MAGI2: variants seen among roughly 807,000 people sequenced by gnomAD.
MAGI2 encodes membrane-associated guanylate kinase, WW and PDZ domain-containing protein 2.
A neutral mutation model predicts 133.3 loss-of-function variants in MAGI2; 35 were observed. That is an observed-to-expected ratio of 0.26 (90% CI 0.20 to 0.35). MAGI2 has a LOEUF of 0.35. Among genes scored for constraint, MAGI2 ranks in the 10% least tolerant of loss-of-function variants. MAGI2 has a pLI of 1.00. For synonymous variants in MAGI2, 729 were observed against 710.6 expected (o/e 1.03, Z -0.41); for missense variants, 1,636 against 1,863.4 (o/e 0.88, Z 2.25).
chr7:78,660,949 C>T (rs1434178107), intron 2 of MAGI2, among the ~76,000 whole-genome samples: 2 of 152,130 alleles, frequency 1.3e-5, no homozygotes, highest in African/African-American at 4.8e-5. Flanking sequence ...AATCTTAACA[C>T]CCAAGGGTTC....
chr7:78,494,680 T>C (rs1793928124), intron 5 of MAGI2, among the ~76,000 whole-genome samples: 1 of 152,346 alleles, frequency 6.6e-6, no homozygotes, highest in African/African-American at 2.4e-5. Flanking sequence ...GCAAAATGTT[T>C]TCACTGCTGT....
chr7:79,105,121 C>T (rs549225057), intron 1 of MAGI2, among the ~76,000 whole-genome samples: 286 of 152,348 alleles, frequency 1.9e-3, no homozygotes, highest in Middle Eastern at 3.4e-3. Context: ...ACAAATCGTT[C>T]TGAGTGCATC....
intron 6 of MAGI2, among the ~76,000 whole-genome samples, chr7:78,471,881 C>T (rs947953578): frequency 1.3e-5 from 2 of 151,642 alleles, no homozygotes; most frequent in African/African-American, 2.4e-5. Flanking sequence ...GCCTAGATTG[C>T]ACCACTGCAC....
chr7:79,442,389 T>C (rs913086423), intron 1 of MAGI2, among the ~76,000 whole-genome samples: 41 of 152,146 alleles, frequency 2.7e-4, no homozygotes, highest in African/African-American at 9.7e-4. Context: ...TATCCTCACA[T>C]GCCTAAGTGC....
intron 1 of MAGI2, among the ~76,000 whole-genome samples, chr7:79,405,133 T>C (rs1845720448): frequency 6.6e-6 from 1 of 152,144 alleles, no homozygotes; most frequent in Non-Finnish European, 1.5e-5. Context: ...TTCCTAGTAA[T>C]TGGAAAGTTG....
intron 2 of MAGI2, among the ~76,000 whole-genome samples, chr7:78,995,520 A>G (rs1186433431): frequency 6.6e-6 from 1 of 152,160 alleles, no homozygotes; most frequent in Non-Finnish European, 1.5e-5. Flanking sequence ...ACTTGAAGCT[A>G]GTCAGTCAAT....
Position 78,726,187 on chromosome 7 carries a change from A to G in MAGI2, c.419-98948T>C, listed in dbSNP as rs527999277. ...ATATTATAGTTAGAATTCACAACCT[A>G]TGTAATCTTTCAGAGAAATAACAAA... On this transcript the variant is annotated intron_variant, in intron 2 of 21. Coordinates refer to ENST00000354212, the MANE Select transcript of MAGI2 (RefSeq NM_012301.4). Among the ~76,000 whole-genome samples, 21 of 152,312 alleles carry G rather than the reference A, an allele frequency of 1.4e-4. No individual in the cohort carries two copies. In the South Asian group the frequency reaches 4.3e-3, roughly 32 times the overall value.
chr7:78,860,115 CT>C (rs1489741861), intron 2 of MAGI2, among the ~76,000 whole-genome samples: 4 of 152,164 alleles, frequency 2.6e-5, no homozygotes, highest in Admixed American at 6.5e-5. Context: ...CTTCTCTACG[CT>C]GTTTATTCTG....
In MAGI2 at chr7:79,363,005, A is replaced by T. The variant is rs58133441; in HGVS notation, c.301+90015T>A. Among the ~76,000 whole-genome samples, 1,286 of 151,842 alleles carry T rather than the reference A, an allele frequency of 8.5e-3. 13 individuals are homozygous for T. The highest frequency in any genetic ancestry group is 0.03 in the African/African-American group (1,233 of 41,494). On this transcript the variant is annotated intron_variant, in intron 1 of 21. Coordinates refer to ENST00000354212, the MANE Select transcript of MAGI2 (RefSeq NM_012301.4). ...CATAGAGATTAGATAGGAAGAAATA[A>T]ACTGTTTCTAGATAGAGGTGACATA...
chr7:79,428,323 T>C (rs1437622977), intron 1 of MAGI2, among the ~76,000 whole-genome samples: 2 of 152,172 alleles, frequency 1.3e-5, no homozygotes, highest in Middle Eastern at 3.4e-3. Flanking sequence ...CAGAGAAAAA[T>C]AGGATCATTT....
chr7:78,362,858 G>A (rs1321259786), intron 7 of MAGI2, among the ~76,000 whole-genome samples: 1 of 152,082 alleles, frequency 6.6e-6, no homozygotes, highest in Non-Finnish European at 1.5e-5. Flanking sequence ...CTACTGAGAG[G>A]CTGTTTTTTT....
chr7:78,291,476 G>A (rs1163340362), intron 9 of MAGI2, among the ~76,000 whole-genome samples: 2 of 152,132 alleles, frequency 1.3e-5, no homozygotes, highest in Non-Finnish European at 1.5e-5. Flanking sequence ...GGACCAGATG[G>A]ATTCACAGCC....
chr7:78,333,198 G>A (rs75183205), intron 9 of MAGI2, among the ~76,000 whole-genome samples: 5,590 of 152,280 alleles, frequency 0.037, 156 homozygotes, highest in South Asian at 0.13. Flanking sequence ...ATTTCTGGAT[G>A]TGGTACTATG....
At chr7:78,650,936 C>T (rs1811495513) in intron 2 of MAGI2, among the ~76,000 whole-genome samples, 1 of 152,028 alleles carries the variant, frequency 6.6e-6, no homozygotes, top group Non-Finnish European at 1.5e-5. Context: ...CAAAACAGCT[C>T]CTCAAAAACT....
At chr7:79,133,960 C>T (rs1821159685) in intron 1 of MAGI2, among the ~76,000 whole-genome samples, 2 of 152,202 alleles carry the variant, frequency 1.3e-5, no homozygotes, top group Non-Finnish European at 2.9e-5. Flanking sequence ...TAGAGCCTCA[C>T]AATTTCATCT....
chr7:78,366,150 A>G (rs1793357205), intron 7 of MAGI2, among the ~76,000 whole-genome samples: 1 of 152,338 alleles, frequency 6.6e-6, no homozygotes, highest in East Asian at 1.9e-4. Context: ...GCTCATTATC[A>G]CTAATGGCAT....
At chr7:78,462,894 T>C (rs577781727) in intron 6 of MAGI2, among the ~76,000 whole-genome samples, 1 of 152,136 alleles carries the variant, frequency 6.6e-6, no homozygotes, top group Admixed American at 6.5e-5. Flanking sequence ...CAACTTAACA[T>C]GAAGATATTC....
chr7:78,237,885 T>C (rs1790719580), intron 10 of MAGI2, among the ~76,000 whole-genome samples: 2 of 152,194 alleles, frequency 1.3e-5, no homozygotes, highest in South Asian at 2.1e-4. Context: ...ATTGACTTCT[T>C]GCCAATTAGT....
chr7:78,380,208 G>T (rs945524809), intron 6 of MAGI2, among the ~76,000 whole-genome samples: 9 of 151,484 alleles, frequency 5.9e-5, no homozygotes, highest in Non-Finnish European at 1.2e-4. Context: ...GTACAAAATA[G>T]ACTATTTCTT....
Sources: gnomAD v4.1 joint callset for allele counts (sites outside exome capture counted in the v4.1 genomes callset) on GRCh38, gnomAD v4.1.1 for gene constraint, MANE v1.5 for transcripts, NCBI Gene and HGNC (gene_info 2026-07-23, HGNC 2026-07-21) for gene names.